The following ATP1B2 variants were observed in gnomAD, a reference collection of about 807,000 sequenced individuals.
ATP1B2 encodes the protein ATPase Na+/K+ transporting subunit beta 2.
ATP1B2 carries 12 observed loss-of-function variants against 37.3 expected under a neutral mutation model. The observed-to-expected ratio is 0.32, with a 90% CI of 0.21 to 0.52. The LOEUF is 0.52. ATP1B2 is among the 20% of genes least tolerant of loss of function. The pLI is 0.96. For missense variants in ATP1B2, 324 were observed against 391.6 expected (o/e 0.83, Z 1.46); for synonymous variants, 139 against 140.5 (o/e 0.99, Z 0.07).
At position 7,655,852 on chromosome 17, in the gene ATP1B2, T is replaced by G; in HGVS notation, c.830T>G (p.Phe277Cys). ...NIATDDERDK[F>C]AGRVAFKLRI... ...GCCACAGACGATGAGCGAGACAAGT[T>G]CGCCGGCCGCGTGGCCTTCAAACTC... Residue 277 changes from phenylalanine to cysteine, a missense_variant, in exon 7 of 7, where the codon TTC becomes TGC. Transcript: ENST00000250111. The surrounding 1 kb of genome is among the most constrained non-coding windows in gnomAD (Gnocchi z 4.4). 1 of 1,614,088 alleles carries G rather than the reference T, an allele frequency of 6.2e-7. No individual in the cohort carries two copies. Among genetic ancestry groups the G allele is most frequent in the South Asian group, 1.1e-5 (1 of 91,078 alleles).
intron 1 of ATP1B2, among the ~76,000 whole-genome samples, chr17:7,652,934 A>G (rs1190246061): frequency 6.6e-6 from 1 of 152,172 alleles, no homozygotes; most frequent in Non-Finnish European, 1.5e-5. Context: ...GTTGCTATTC[A>G]AATCTGAGGG....
chr17:7,653,146 A>G (rs2072624733), intron 1 of ATP1B2, among the ~76,000 whole-genome samples: 1 of 152,192 alleles, frequency 6.6e-6, no homozygotes, highest in African/African-American at 2.4e-5. Context: ...GTCGGGCTTC[A>G]CTGTGCCCTA....
At chr17:7,653,301 G>A (rs1351787449) in intron 1 of ATP1B2, 73 bp from the exon 2 acceptor site, 4 of 1,599,742 alleles carry the variant, frequency 2.5e-6, no homozygotes, top group Middle Eastern at 3.3e-4. Context: ...AGAGTGGGTA[G>A]AGGGGTGTGT....
Position 7,651,515 on chromosome 17 carries a change from C to A in ATP1B2, c.-4C>A. 1 of 1,588,684 alleles carries A rather than the reference C, an allele frequency of 6.3e-7. No individual in the cohort carries two copies. The highest frequency in any genetic ancestry group is 8.6e-7 in the Non-Finnish European group (1 of 1,168,226). The stretch of plus-strand genomic sequence containing the variant: ...CGCGCCCGGACTCGCCCCGCGCCAC[C>A]AAGATGGTCATCCAGAAAGAGAAGA... On this transcript the variant is annotated 5_prime_UTR_variant, in exon 1 of 7. Transcript: ENST00000250111.
chr17:7,652,959 G>A (rs1407221607), intron 1 of ATP1B2, among the ~76,000 whole-genome samples: 3 of 152,180 alleles, frequency 2.0e-5, no homozygotes, highest in African/African-American at 7.2e-5. Context: ...GTCTCTGCGG[G>A]GTGGTATGAG....
chr17:7,655,732 T>C lies in ATP1B2; in HGVS notation c.710T>C (p.Val237Ala), dbSNP rs773609058. The C allele has an allele frequency of 7.4e-6, 12 of 1,613,938 alleles. No individual in the cohort carries two copies. Among genetic ancestry groups the C allele is most frequent in the Non-Finnish European group, 9.3e-6 (11 of 1,179,996 alleles). The change falls in exon 7 of 7, where the codon GTG becomes GCG. Residue 237 changes from valine to alanine, a missense_variant and splice_region_variant. By Grantham distance (64) the Val-to-Ala change is moderately conservative (BLOSUM62 0). Transcript: ENST00000250111. This position sits in a 1 kb window ranked among gnomAD's most constrained non-coding sequence, Gnocchi z 4.4. ...CCCTGCACTGCTCCTCCGGCCCAGG[T>C]GAACTACACACAGCCCCTGGTGGCT... ...YFPYYGKKFH[V>A]NYTQPLVAVK...
chr17:7,654,307 A>T lies in ATP1B2; in HGVS notation c.552+50A>T. ...GTGAATGGAGGAAGGATCTGGGGAC[A>T]CCACCTGCAGACAATTGCATCCTTT... is the stretch of plus-strand genomic sequence containing the variant. On this transcript the variant is annotated intron_variant, in intron 4 of 6. Coordinates refer to ENST00000250111, the MANE Select transcript of ATP1B2 (RefSeq NM_001678.5). This position sits in a 1 kb window ranked among gnomAD's most constrained non-coding sequence, Gnocchi z 4.9. 1 of 1,585,068 alleles carries T rather than the reference A, an allele frequency of 6.3e-7. No homozygotes were observed. Among genetic ancestry groups the T allele is most frequent in the East Asian group, 2.2e-5 (1 of 44,692 alleles).
At chr17:7,651,704 C>G in intron 1 of ATP1B2, 74 bp downstream of exon 1, 3 of 1,349,752 alleles carry the variant, frequency 2.2e-6, no homozygotes, top group Non-Finnish European at 3.0e-6. Context: ...GTCCCGCCGA[C>G]GCGGCCCCAG....
At chr17:7,651,708 G>T (rs550318631) in intron 1 of ATP1B2, 78 bp downstream of exon 1, 21 of 1,305,660 alleles carry the variant, frequency 1.6e-5, no homozygotes, top group Non-Finnish European at 2.2e-5. Context: ...CGCCGACGCG[G>T]CCCCAGCTCC....
chr17:7,654,167 G>A lies in ATP1B2; in HGVS notation c.462G>A (p.Arg154=). 2 of 1,614,156 alleles carry A rather than the reference G, an allele frequency of 1.2e-6. No homozygotes were observed. Among genetic ancestry groups the A allele is most frequent in the Non-Finnish European group, 8.5e-7 (1 of 1,180,042 alleles). The stretch of plus-strand genomic sequence containing the variant: ...CCAAACGTGCCTGCCAATTCAACCG[G>A]ACCCAGCTGGGCAACTGCTCCGGCA... ...NYPKRACQFN[R]TQLGNCSGIG... is the part of the protein sequence containing the mutation. Residue 154 remains arginine, a synonymous_variant, in exon 4 of 7, where the codon CGG becomes CGA. Transcript: ENST00000250111. This position sits in a 1 kb window ranked among gnomAD's most constrained non-coding sequence, Gnocchi z 4.9.
Position 7,654,306 on chromosome 17 carries a change from C to T in ATP1B2, c.552+49C>T. ...GGTGAATGGAGGAAGGATCTGGGGA[C>T]ACCACCTGCAGACAATTGCATCCTT... On this transcript the variant is annotated intron_variant, in intron 4 of 6. Transcript: ENST00000250111. The surrounding 1 kb of genome is among the most constrained non-coding windows in gnomAD (Gnocchi z 4.9). 1 of 1,586,080 alleles carries T rather than the reference C, an allele frequency of 6.3e-7. No individual in the cohort carries two copies. The highest frequency in any genetic ancestry group is 1.1e-5 in the South Asian group (1 of 90,500).
intron 1 of ATP1B2, among the ~76,000 whole-genome samples, chr17:7,652,866 CTTTCA>C (rs2072623104): frequency 6.6e-6 from 1 of 152,098 alleles, no homozygotes; most frequent in African/African-American, 2.4e-5. Flanking sequence ...AGTGTTAGGT[CTTTCA>C]TTTCAGGAAC....
At chr17:7,650,104 A>C (rs991046124), upstream of ATP1B2, among the ~76,000 whole-genome samples, 2 of 152,238 alleles carry the variant, frequency 1.3e-5, no homozygotes, top group African/African-American at 4.8e-5. Flanking sequence ...CCCCAGGGCT[A>C]CAGCACACAG....
rs759629798 is a variant in ATP1B2 at position 7,655,875 on chromosome 17, C to T, written c.853C>T (p.Leu285Phe). 6.2e-7 allele frequency: 1 copy of T among 1,614,146 alleles called. No individual in the cohort carries two copies. The highest frequency in any genetic ancestry group is 8.5e-7 in the Non-Finnish European group (1 of 1,180,020). ...GTTCGCCGGCCGCGTGGCCTTCAAA[C>T]TCCGCATCAACAAAACCTGAGGCCC... ...DKFAGRVAFK[L>F]RINKT The change falls in exon 7 of 7, where the codon CTC becomes TTC. Residue 285 changes from leucine (L) to phenylalanine (F), a missense_variant. Leu to Phe is a conservative substitution (Grantham distance 22, BLOSUM62 0). Transcript: ENST00000250111. This position sits in a 1 kb window ranked among gnomAD's most constrained non-coding sequence, Gnocchi z 4.4.
upstream of ATP1B2, among the ~76,000 whole-genome samples, chr17:7,650,500 C>T (rs1304346018): frequency 6.6e-6 from 1 of 152,130 alleles, no homozygotes. Flanking sequence ...TCTCTTCGCT[C>T]TCTTTCTTGA....
rs762635037 is a variant in ATP1B2, at chr17:7,654,143, C to A, written c.438C>A (p.Pro146=). 2.5e-6 allele frequency: 4 copies of A among 1,614,200 alleles called. No individual in the cohort carries two copies. The highest frequency in any genetic ancestry group is 2.5e-6 in the Non-Finnish European group (3 of 1,180,040). The change falls in exon 4 of 7, where the codon CCC becomes CCA. Residue 146 remains proline, a synonymous_variant. Coordinates refer to ENST00000250111, the MANE Select transcript of ATP1B2 (RefSeq NM_001678.5). This position sits in a 1 kb window ranked among gnomAD's most constrained non-coding sequence, Gnocchi z 4.9. ...CAGATAATGGAGTCCTCAACTACCC[C>A]AAACGTGCCTGCCAATTCAACCGGA... The part of the protein sequence containing the change: ...EQPDNGVLNY[P]KRACQFNRTQ...
chr17:7,655,106 C>G lies in ATP1B2; in HGVS notation c.610-421C>G, dbSNP rs2072641227. 1 of 314,072 alleles carries G rather than the reference C, an allele frequency of 3.2e-6. No individual in the cohort carries two copies. The highest frequency in any genetic ancestry group is 2.2e-5 in the African/African-American group (1 of 46,450). The allele number at this position is 314,072 out of a possible 1,614,324, so 19.5% of individuals were successfully genotyped here. A position where few individuals can be genotyped will look rare whatever the true frequency, so the allele number is the denominator to read the frequency against. On this transcript the variant is annotated intron_variant, in intron 5 of 6. Transcript: ENST00000250111. The surrounding 1 kb of genome is among the most constrained non-coding windows in gnomAD (Gnocchi z 4.4). Reference sequence around the variant, plus strand: ...CACCATCTGCCACCAGTTCGTTGTCCTTGGGACCCTGTTCCCCGCTTCCCC... The same window carrying G: ...CACCATCTGCCACCAGTTCGTTGTCGTTGGGACCCTGTTCCCCGCTTCCCC...
chr17:7,652,438 C>T (rs1034364207), intron 1 of ATP1B2, among the ~76,000 whole-genome samples: 5 of 152,098 alleles, frequency 3.3e-5, no homozygotes, highest in Non-Finnish European at 7.4e-5. Flanking sequence ...CGTTGAGACA[C>T]AGGGGACAGA....
At chr17:7,648,263 T>C (rs563806384), upstream of ATP1B2, among the ~76,000 whole-genome samples, 2 of 151,284 alleles carry the variant, frequency 1.3e-5, no homozygotes, top group East Asian at 3.9e-4. Context: ...CATGAGAAGC[T>C]GAAAGAACTA....
Sources: gnomAD v4.1 joint callset for allele counts (sites outside exome capture counted in the v4.1 genomes callset) on GRCh38, gnomAD v4.1.1 for gene constraint, Gnocchi (gnomAD v3.1) non-coding constraint, MANE v1.5 for transcripts, NCBI Gene and HGNC (gene_info 2026-07-23, HGNC 2026-07-21) for gene names.